Variants in SHROOM3 observed in about 807,000 individuals in gnomAD.
SHROOM3 encodes shroom family member 3.
A neutral mutation model predicts 138.6 loss-of-function variants in SHROOM3; 47 were observed. The observed-to-expected ratio is 0.34, with a 90% CI of 0.27 to 0.43. SHROOM3 has a LOEUF of 0.43. SHROOM3 is among the 20% of genes least tolerant of loss of function. The pLI is 1.00. For missense variants in SHROOM3, 2,491 were observed against 2,596.5 expected (o/e 0.96, Z 0.88); for synonymous variants, 1,062 against 1,063.3 (o/e 1.00, Z 0.02).
chr4:76,450,105 A>G (rs1249353419), intron 1 of SHROOM3, among the ~76,000 whole-genome samples: 1 of 152,216 alleles, frequency 6.6e-6, no homozygotes, highest in Non-Finnish European at 1.5e-5. Flanking sequence ...CTCTAGCTCC[A>G]GGGAGGCTGT....
intron 2 of SHROOM3, among the ~76,000 whole-genome samples, chr4:76,606,007 A>ATTTTTTTTTT (rs1164704632): frequency 2.6e-5 from 2 of 77,830 alleles, no homozygotes; most frequent in Non-Finnish European, 4.8e-5. Context: ...ATATATATAT[A>ATTTTTTTTTT]TTTTTTTTTT....
chr4:76,639,119 A>G (rs748267406), intron 2 of SHROOM3, among the ~76,000 whole-genome samples: 1 of 152,120 alleles, frequency 6.6e-6, no homozygotes, highest in East Asian at 1.9e-4. Context: ...CAACTGCTCA[A>G]TCTTTGGCTA....
Position 76,741,173 on chromosome 4 carries a change from C to T in SHROOM3, c.3000C>T (p.Pro1000=), listed in dbSNP as rs766197932. ...AGGGCGACCTGGCCAGGCCCGTGCC[C>T]CCTGCCGCCCGGAGAGGTGCTCGCC... The part of the protein sequence containing the change: ...PAEGDLARPV[P]PAARRGARRR... Residue 1000 remains proline, a synonymous_variant, in exon 5 of 11, where the codon CCC becomes CCT. Coordinates refer to ENST00000296043, the MANE Select transcript of SHROOM3 (RefSeq NM_020859.4). The surrounding 1 kb of genome is among the most constrained non-coding windows in gnomAD (Gnocchi z 6.2). 5.3e-5 allele frequency: 84 copies of T among 1,586,886 alleles called. No individual in the cohort carries two copies. Among genetic ancestry groups the T allele is most frequent in the Non-Finnish European group, 8.6e-7 (1 of 1,167,952 alleles).
In SHROOM3 at chr4:76,756,454, A is replaced by G. The variant is rs545526110; in HGVS notation, c.4715A>G (p.Asn1572Ser). Reference sequence around the variant, plus strand: ...TTTTTAAATATCCCTGGCAGCTTCAACAAACTTTCTAAAGTGACAATTGCA... The same window carrying G: ...TTTTTAAATATCCCTGGCAGCTTCAGCAAACTTTCTAAAGTGACAATTGCA... ...EDPEGPRPSF[N>S]KLSKVTIARE... The change falls in exon 8 of 11, where the codon AAC becomes AGC. Residue 1572 changes from asparagine (N) to serine (S), a missense_variant. Physicochemically the swap from Asn to Ser is conservative, Grantham distance 46 (BLOSUM62 1). Transcript: ENST00000296043. 9.8e-5 allele frequency: 158 copies of G among 1,610,058 alleles called. 2 individuals are homozygous for G. The South Asian group carries it at 1.7e-3, about 17-fold the overall frequency.
At chr4:76,773,299 G>A (rs1410556771) in intron 10 of SHROOM3, among the ~76,000 whole-genome samples, 6 of 150,454 alleles carry the variant, frequency 4.0e-5, no homozygotes, top group East Asian at 3.9e-4. Flanking sequence ...GCTTGAACCC[G>A]GGAAGCGGAG....
chr4:76,454,345 A>G (rs181942181), intron 1 of SHROOM3, among the ~76,000 whole-genome samples: 198 of 152,274 alleles, frequency 1.3e-3, no homozygotes, highest in African/African-American at 4.6e-3. Context: ...CACCCAGCCT[A>G]ATTTTCTTAT....
chr4:76,742,140 G>GT, intron 5 of SHROOM3: 4 of 665,294 alleles, frequency 6.0e-6, no homozygotes, highest in Non-Finnish European at 1.1e-5. Flanking sequence ...TACGTATGTT[G>GT]TTATACAGAT....
At chr4:76,460,619 G>GCTGCC (rs1459130818) in intron 1 of SHROOM3, among the ~76,000 whole-genome samples, 1 of 151,822 alleles carries the variant, frequency 6.6e-6, no homozygotes, top group African/African-American at 2.4e-5. Flanking sequence ...GTTTGCAGAG[G>GCTGCC]CTGCCTTCTT....
At chr4:76,551,499 G>T (rs536783758) in intron 1 of SHROOM3, among the ~76,000 whole-genome samples, 2 of 152,264 alleles carry the variant, frequency 1.3e-5, no homozygotes, top group South Asian at 2.1e-4. Flanking sequence ...CACTGTACTC[G>T]CAGCTTTTAG....
intron 2 of SHROOM3, among the ~76,000 whole-genome samples, chr4:76,579,994 T>C (rs765602591): frequency 2.0e-5 from 3 of 152,218 alleles, no homozygotes; most frequent in Non-Finnish European, 4.4e-5. Context: ...TCCTGTCACA[T>C]TTCTTTTCAT....
intron 2 of SHROOM3, among the ~76,000 whole-genome samples, chr4:76,577,374 C>T (rs1242640430): frequency 6.6e-6 from 1 of 152,134 alleles, no homozygotes; most frequent in East Asian, 1.9e-4. Context: ...GTCAGCAGTA[C>T]ATTGGTTAAC....
At chr4:76,688,927 A>AG in intron 2 of SHROOM3, 4 of 981,564 alleles carry the variant, frequency 4.1e-6, no homozygotes, top group Non-Finnish European at 4.8e-6. Context: ...GGGCATGCTG[A>AG]GAAAAAGGAT....
chr4:76,652,803 G>GTA (rs1426356866), intron 2 of SHROOM3, among the ~76,000 whole-genome samples: 5 of 151,866 alleles, frequency 3.3e-5, no homozygotes, highest in Non-Finnish European at 4.4e-5. Flanking sequence ...ATAAGTGTGT[G>GTA]TGTGTATATA....
chr4:76,541,423 GA>G (rs1166506828), intron 1 of SHROOM3, among the ~76,000 whole-genome samples: 2 of 152,138 alleles, frequency 1.3e-5, no homozygotes, highest in Admixed American at 6.6e-5. Context: ...GAATGCAGCA[GA>G]AAAAGGGGAT....
intron 1 of SHROOM3, among the ~76,000 whole-genome samples, chr4:76,493,542 G>A (rs147901962): frequency 6.6e-6 from 1 of 152,158 alleles, no homozygotes; most frequent in South Asian, 2.1e-4. Context: ...AGTAGGTTCG[G>A]CTAAAGGTGA....
At chr4:76,504,131 T>C (rs1365297379) in intron 1 of SHROOM3, among the ~76,000 whole-genome samples, 1 of 152,132 alleles carries the variant, frequency 6.6e-6, no homozygotes, top group African/African-American at 2.4e-5. Flanking sequence ...CAGTCCCAGA[T>C]GTGTTGAGAG....
intron 1 of SHROOM3, among the ~76,000 whole-genome samples, chr4:76,468,570 AT>A (rs1183254235): frequency 6.6e-6 from 1 of 151,168 alleles, no homozygotes; most frequent in Admixed American, 6.6e-5. Flanking sequence ...CATAATTATT[AT>A]GATAATTAAA....
Position 76,478,454 on chromosome 4 carries a change from C to T in SHROOM3, c.168+42234C>T, listed in dbSNP as rs576995773. ...TTCTGCCTCTCTAGGCAGGACATTT[C>T]TGAAAGAAAGGCAGAAGCCCCAGGC... is the stretch of plus-strand genomic sequence containing the variant. On this transcript the variant is annotated intron_variant, in intron 1 of 10. Coordinates refer to ENST00000296043, the MANE Select transcript of SHROOM3 (RefSeq NM_020859.4). Among the ~76,000 whole-genome samples the T allele has an allele frequency of 3.8e-3, 578 of 152,338 alleles. 3 individuals carry two copies. Among genetic ancestry groups the T allele is most frequent in the Non-Finnish European group, 5.9e-3 (401 of 68,032 alleles).
chr4:76,517,556 T>C (rs1418533511), intron 1 of SHROOM3, among the ~76,000 whole-genome samples: 1 of 152,130 alleles, frequency 6.6e-6, no homozygotes, highest in Non-Finnish European at 1.5e-5. Flanking sequence ...TTCTTATCCA[T>C]GTAAATGAAA....
Sources: gnomAD v4.1 joint callset for allele counts (sites outside exome capture counted in the v4.1 genomes callset) on GRCh38, gnomAD v4.1.1 for gene constraint, Gnocchi (gnomAD v3.1) non-coding constraint, MANE v1.5 for transcripts, NCBI Gene and HGNC (gene_info 2026-07-23, HGNC 2026-07-21) for gene names.